FRMPD4: variants seen among roughly 807,000 people sequenced by gnomAD.
FRMPD4 encodes the protein FERM and PDZ domain-containing protein 4.
FRMPD4 carries 22 observed loss-of-function variants against 94.1 expected under a neutral mutation model. The observed-to-expected ratio is 0.23, with a 90% CI of 0.17 to 0.33. FRMPD4 has a LOEUF of 0.33. Among genes scored for constraint, FRMPD4 ranks in the 10% least tolerant of loss-of-function variants. The pLI is 1.00. For missense variants in FRMPD4, 1,111 were observed against 1,339.9 expected (o/e 0.83, Z 2.67); for synonymous variants, 631 against 548.6 (o/e 1.15, Z -2.10).
intron 3 of FRMPD4, among the ~76,000 whole-genome samples, chrX:12,093,651 G>A (rs1181722893): frequency 1.8e-5 from 2 of 108,660 alleles, no homozygotes; most frequent in African/African-American, 6.7e-5. Flanking sequence ...TCTGCCAGAT[G>A]AGCAAATCAG....
At chrX:12,153,090 C>T (rs889916321) in intron 1 of FRMPD4, among the ~76,000 whole-genome samples, 9 of 110,029 alleles carry the variant, frequency 8.2e-5, no homozygotes, top group South Asian at 3.9e-4. Context: ...CCCGCCACCG[C>T]GCCCGGCTAA....
chrX:12,325,482 T>A (rs1601819985), intron 1 of FRMPD4, among the ~76,000 whole-genome samples: 1 of 112,766 alleles, frequency 8.9e-6, no homozygotes, highest in Admixed American at 9.4e-5. Context: ...AATGGGGCAC[T>A]TGAAGTTATT....
intron 1 of FRMPD4, among the ~76,000 whole-genome samples, chrX:12,490,161 C>T: frequency 9.0e-6 from 1 of 111,423 alleles, no homozygotes; most frequent in East Asian, 2.8e-4. Flanking sequence ...CAGTACGAGA[C>T]TGACCATGGA....
At chrX:12,132,955 TAAG>T (rs1358306892) in intron 3 of FRMPD4, among the ~76,000 whole-genome samples, 2 of 109,703 alleles carry the variant, frequency 1.8e-5, no homozygotes, top group African/African-American at 3.3e-5. Flanking sequence ...TGGTGGGAAT[TAAG>T]AAATATTTTA....
intron 1 of FRMPD4, among the ~76,000 whole-genome samples, chrX:12,467,759 T>C (rs943796805): frequency 3.6e-5 from 4 of 112,333 alleles, no homozygotes; most frequent in Non-Finnish European, 5.6e-5. Context: ...TCCAATTTAA[T>C]GCAAATACGG....
chrX:12,636,718 C>T (rs759498296), intron 4 of FRMPD4, among the ~76,000 whole-genome samples: 2 of 111,626 alleles, frequency 1.8e-5, no homozygotes, highest in Non-Finnish European at 3.8e-5. Flanking sequence ...ACTGGCATTC[C>T]CACTGGGGAA....
chrX:12,104,462 T>C (rs966534342), intron 3 of FRMPD4, among the ~76,000 whole-genome samples: 1 of 112,562 alleles, frequency 8.9e-6, no homozygotes, highest in Non-Finnish European at 1.9e-5. Flanking sequence ...ATTGTCATGC[T>C]AGCTGTTTCA....
intron 16 of FRMPD4, among the ~76,000 whole-genome samples, chrX:12,720,039 GGAAAGGAAAGGAAA>G (rs1321599938): frequency 0.03 from 838 of 27,837 alleles, 5 homozygotes; most frequent in South Asian, 0.06. Context: ...GGAAAGGAAA[GGAAAGGAAAGGAAA>G]GAAAGAAAGA....
Position 11,833,863 on chromosome X carries a change from T to G in FRMPD4, c.-161+11148T>G, listed in dbSNP as rs6640785. 6.3e-3 allele frequency among the ~76,000 whole-genome samples: 700 copies of G among 111,637 alleles called. 15 individuals carry two copies. In the East Asian group the frequency reaches 0.065, roughly 10 times the overall value. On this transcript the variant is annotated intron_variant, in intron 1 of 18. Transcript: ENST00000640291. Reference sequence around the variant, plus strand: ...GGGCTCACTTAAGAGCCTATGAGCTTCTTCTTTTTTCTATTTCTTATGTTC... The same window carrying G: ...GGGCTCACTTAAGAGCCTATGAGCTGCTTCTTTTTTCTATTTCTTATGTTC...
chrX:11,908,380 C>G (rs1569123203), intron 3 of FRMPD4, among the ~76,000 whole-genome samples: 1 of 111,767 alleles, frequency 8.9e-6, no homozygotes, highest in Non-Finnish European at 1.9e-5. Context: ...TCTCTAATTT[C>G]CAGGATATCC....
chrX:12,508,568 G>A, intron 2 of FRMPD4, among the ~76,000 whole-genome samples: 1 of 112,103 alleles, frequency 8.9e-6, no homozygotes, highest in South Asian at 3.7e-4. Context: ...GTAGATGGGT[G>A]GATGAATGGA....
chrX:11,963,118 A>G (rs1161983272), intron 3 of FRMPD4, among the ~76,000 whole-genome samples: 1 of 112,082 alleles, frequency 8.9e-6, no homozygotes, highest in Non-Finnish European at 1.9e-5. Context: ...AACACAAAGG[A>G]AAGAAATGTT....
chrX:12,066,871 G>GTTTTTTTTTTTTTTTTTTTTT lies in FRMPD4; in HGVS notation c.95+188858_95+188859insTTTTTTTTTTTTTTTTTTTTT, dbSNP rs201251837. On this transcript the variant is annotated intron_variant, in intron 3 of 18. Coordinates refer to the FRMPD4 transcript ENST00000640291. ...AGCAGTCCCCAAGTTTTTTGTTTTT[G>GTTTTTTTTTTTTTTTTTTTTT]TTTTTGTTTTTTTTTTGAGACATAG... Among the ~76,000 whole-genome samples, 4 of 100,080 alleles carry GTTTTTTTTTTTTTTTTTTTTT rather than the reference G, an allele frequency of 4.0e-5. 1 individual carries two copies. Among genetic ancestry groups the GTTTTTTTTTTTTTTTTTTTTT allele is most frequent in the Admixed American group, 2.2e-4 (2 of 9,008 alleles). The allele number at this position is 100,080 out of a possible 115,157, so 86.9% of individuals were successfully genotyped here. A position where few individuals can be genotyped will look rare whatever the true frequency, so the allele number is the denominator to read the frequency against.
intron 1 of FRMPD4, among the ~76,000 whole-genome samples, chrX:12,441,903 T>C (rs113135279): frequency 0.011 from 1,248 of 111,579 alleles, 23 homozygotes; most frequent in African/African-American, 0.038. Context: ...CGATATAGTT[T>C]AGCAACACAT....
chrX:11,997,144 G>A (rs2054500697), intron 3 of FRMPD4, among the ~76,000 whole-genome samples: 1 of 111,158 alleles, frequency 9.0e-6, no homozygotes. Context: ...ATTTTAACCT[G>A]AAATAATATG....
At chrX:12,606,102 A>C (rs1602198502) in intron 2 of FRMPD4, among the ~76,000 whole-genome samples, 1 of 112,227 alleles carries the variant, frequency 8.9e-6, no homozygotes, top group East Asian at 2.8e-4. Context: ...CTTAGCATGA[A>C]ATTAATGTTT....
At position 12,149,820 on chromosome X, in the gene FRMPD4, A is replaced by G. The variant is rs754480268; in HGVS notation, c.41+10808A>G. Among the ~76,000 whole-genome samples, 313 of 111,891 alleles carry G rather than the reference A, an allele frequency of 2.8e-3. 1 individual carries two copies. Among genetic ancestry groups the G allele is most frequent in the Non-Finnish European group, 5.1e-3 (273 of 53,144 alleles). ...CATGAAAGAGTCAGTCAACACAGCA[A>G]ACTTCATTGTTGTCTTATTTTGAAA... On this transcript the variant is annotated intron_variant, in intron 1 of 16. Transcript: ENST00000675598.
intron 9 of FRMPD4, among the ~76,000 whole-genome samples, chrX:12,695,833 T>A (rs1028763984): frequency 8.9e-6 from 1 of 111,749 alleles, no homozygotes; most frequent in Non-Finnish European, 1.9e-5. Context: ...GCCTCCTAGG[T>A]TCAAAAGATT....
chrX:12,631,098 T>C (rs933390780), intron 4 of FRMPD4, among the ~76,000 whole-genome samples: 12 of 111,277 alleles, frequency 1.1e-4, no homozygotes, highest in Non-Finnish European at 2.1e-4. Flanking sequence ...ACAGCGCTTT[T>C]CCTCCCCTTC....
Sources: allele counts gnomAD v4.1 joint callset (sites outside exome capture counted in the v4.1 genomes callset), GRCh38; gene constraint gnomAD v4.1.1; transcripts MANE v1.5; gene names NCBI Gene and HGNC (gene_info 2026-07-23, HGNC 2026-07-21).